Variants in RASAL1 observed in about 807,000 individuals in gnomAD.
RASAL1 encodes RAS protein activator like 1, also known as rasGAP-activating-like protein 1.
Under a neutral mutation model 96.6 loss-of-function variants are expected in RASAL1, and 72 were observed. That is an observed-to-expected ratio of 0.75 (90% CI 0.62 to 0.91). The LOEUF is 0.91. RASAL1 is among the 40% of genes least tolerant of loss of function. The pLI, the probability that RASAL1 is intolerant of heterozygous loss-of-function variation, is 0.00. For missense variants in RASAL1, 1,016 were observed against 1,072.5 expected (o/e 0.95, Z 0.74); for synonymous variants, 405 against 430.4 (o/e 0.94, Z 0.73).
chr12:113,107,016 C>G, intron 15 of RASAL1, 81 bp downstream of exon 15: 1 of 1,424,150 alleles, frequency 7.0e-7, no homozygotes, highest in Non-Finnish European at 9.6e-7. Flanking sequence ...TGCTGAGGAG[C>G]TGGAGGGGGA....
chr12:113,100,483 G>A, intron 20 of RASAL1, 145 bp downstream of exon 20: 1 of 642,040 alleles, frequency 1.6e-6, no homozygotes, highest in South Asian at 1.6e-5. Flanking sequence ...ATTTTTAGTA[G>A]AGACAGGGTT....
Position 113,104,311 on chromosome 12 carries a change from A to C in RASAL1, c.1831-13T>G. ...TGGAGTGACACATCTGGGGAAGAGG[A>C]TTGTCGCTGCAGGATGGGCTGGGGG... On this transcript the variant is annotated splice_polypyrimidine_tract_variant and intron_variant, in intron 16 of 20. Coordinates refer to ENST00000548055, the MANE Select transcript of RASAL1 (RefSeq NM_001301202.2). 1 of 1,537,166 alleles carries C rather than the reference A, an allele frequency of 6.5e-7. No individual in the cohort carries two copies. The highest frequency in any genetic ancestry group is 8.8e-7 in the Non-Finnish European group (1 of 1,136,310).
chr12:113,120,860 C>G (rs1951270308), intron 5 of RASAL1, among the ~76,000 whole-genome samples: 1 of 152,156 alleles, frequency 6.6e-6, no homozygotes, highest in African/African-American at 2.4e-5. Flanking sequence ...CCCTCCGCTC[C>G]AGTAATGGGC....
In RASAL1 at chr12:113,130,190, G is replaced by A. The variant is rs1334895787; in HGVS notation, c.122+695C>T. ...CTCCAGGGGCTGAGAGCTGTCCCTC[G>A]GCCTGCGGGGGTGGGAGCCAAGCAG... On this transcript the variant is annotated intron_variant, in intron 2 of 20. Transcript: ENST00000548055. This position sits in a 1 kb window ranked among gnomAD's most constrained non-coding sequence, Gnocchi z 5.1. Among the ~76,000 whole-genome samples the A allele has an allele frequency of 3.3e-5, 5 of 152,150 alleles. No individual in the cohort carries two copies. Among genetic ancestry groups the A allele is most frequent in the Non-Finnish European group, 5.9e-5 (4 of 68,000 alleles).
Position 113,099,791 on chromosome 12 carries a change from A to C in RASAL1, c.*138T>G, listed in dbSNP as rs1367957882. The C allele has an allele frequency of 2.5e-5, 32 of 1,266,778 alleles. No individual in the cohort carries two copies. Among genetic ancestry groups the C allele is most frequent in the Non-Finnish European group, 3.0e-5 (28 of 922,914 alleles). 78.5% of individuals were successfully genotyped at this position (1,266,778 alleles called of 1,614,324 possible). A position where few individuals can be genotyped will look rare whatever the true frequency, so the allele number is the denominator to read the frequency against. Reference sequence around the variant, plus strand: ...CCTGAGTTCTGGACTCAAGGCACACAGGACTAGGCACGTCTCTGGGAGCCT... The same window carrying C: ...CCTGAGTTCTGGACTCAAGGCACACCGGACTAGGCACGTCTCTGGGAGCCT... On this transcript the variant is annotated 3_prime_UTR_variant, in exon 21 of 21. Transcript: ENST00000548055.
In RASAL1 at chr12:113,135,315, G is replaced by A. The variant is rs1156479589; in HGVS notation, c.65+83C>T. The A allele has an allele frequency of 5.9e-6, 8 of 1,358,024 alleles. No individual in the cohort carries two copies. The highest frequency in any genetic ancestry group is 1.3e-5 in the South Asian group (1 of 78,834). 84.1% of individuals were successfully genotyped at this position (1,358,024 alleles called of 1,614,324 possible). Reference sequence around the variant, plus strand: ...GAACCCCTCGCCCTCCTGCCAACCCGCCCTGGCACGCGGAAAGGGCGACGT... The same window carrying A: ...GAACCCCTCGCCCTCCTGCCAACCCACCCTGGCACGCGGAAAGGGCGACGT... On this transcript the variant is annotated intron_variant, in intron 1 of 20. Transcript: ENST00000548055. This position sits in a 1 kb window ranked among gnomAD's most constrained non-coding sequence, Gnocchi z 5.7.
chr12:113,112,053 T>G (rs1256495604), intron 13 of RASAL1, 33 bp downstream of exon 13: 1 of 1,234,708 alleles, frequency 8.1e-7, no homozygotes, highest in Non-Finnish European at 1.0e-6. Flanking sequence ...AGCTCCGGCC[T>G]GTCCCCAGCC....
chr12:113,121,079 T>A (rs576425608), intron 5 of RASAL1, among the ~76,000 whole-genome samples: 9 of 152,172 alleles, frequency 5.9e-5, no homozygotes, highest in Non-Finnish European at 1.3e-4. Flanking sequence ...TGCCTAAGAA[T>A]GAAGCTAACA....
intron 4 of RASAL1, among the ~76,000 whole-genome samples, chr12:113,122,468 T>C (rs759174096): frequency 6.6e-6 from 1 of 152,102 alleles, no homozygotes; most frequent in Non-Finnish European, 1.5e-5. Flanking sequence ...GGACTACAGA[T>C]GTATACCACC....
chr12:113,103,426 G>T (rs149148612), intron 18 of RASAL1, among the ~76,000 whole-genome samples: 16,950 of 151,770 alleles, frequency 0.11, 1,120 homozygotes, highest in Middle Eastern at 0.19. Flanking sequence ...ACCAACATGG[G>T]GAAACCCCGT....
intron 18 of RASAL1, 87 bp downstream of exon 18, chr12:113,103,859 G>A (rs747421476): frequency 2.6e-6 from 4 of 1,526,762 alleles, no homozygotes; most frequent in Admixed American, 3.9e-5. Context: ...CTTGCCCAAG[G>A]TTGCACAGCC....
At chr12:113,110,537 G>C (rs996364238) in intron 13 of RASAL1, among the ~76,000 whole-genome samples, 1 of 152,196 alleles carries the variant, frequency 6.6e-6, no homozygotes, top group Non-Finnish European at 1.5e-5. Context: ...TCCCAAACTG[G>C]CCAGTCCAAC....
intron 1 of RASAL1, among the ~76,000 whole-genome samples, chr12:113,131,176 A>G (rs1314948666): frequency 7.1e-6 from 1 of 141,230 alleles, no homozygotes; most frequent in Non-Finnish European, 1.5e-5. Context: ...GAAATAGAAC[A>G]GGGAGGCCTG....
Position 113,124,217 on chromosome 12 carries a change from CAAA to C in RASAL1, c.299-2582_299-2580del, listed in dbSNP as rs35190885. On this transcript the variant is annotated intron_variant, in intron 4 of 20. Transcript: ENST00000548055. ...TGGGTGATAGAGCGAGACTCTGTCT[CAAA>C]AAAAAAAAAAAAAAAAAAAGTTACC... Among the ~76,000 whole-genome samples the C allele has an allele frequency of 4.3e-3, 419 of 98,342 alleles. 2 individuals are homozygous for C. Among genetic ancestry groups the C allele is most frequent in the African/African-American group, 0.013 (329 of 25,472 alleles). The allele number at this position is 98,342 out of a possible 152,430, so 64.5% of individuals were successfully genotyped here. A position where few individuals can be genotyped will look rare whatever the true frequency, so the allele number is the denominator to read the frequency against.
At position 113,129,206 on chromosome 12, in the gene RASAL1, C is replaced by T. The variant is rs1254321164; in HGVS notation, c.123-1028G>A. ...CTGGGATTGGGGTTAGCTCAATCGC[C>T]CCTGGTTGGGTCGTGGGGGTAGGGT... On this transcript the variant is annotated intron_variant, in intron 2 of 20. Transcript: ENST00000548055. This position sits in a 1 kb window ranked among gnomAD's most constrained non-coding sequence, Gnocchi z 5.0. Among the ~76,000 whole-genome samples the T allele has an allele frequency of 6.6e-6, 1 of 152,136 alleles. No individual in the cohort carries two copies. The highest frequency in any genetic ancestry group is 1.5e-5 in the Non-Finnish European group (1 of 68,038).
chr12:113,116,419 C>T (rs1364735089), intron 8 of RASAL1, among the ~76,000 whole-genome samples: 7 of 151,568 alleles, frequency 4.6e-5, no homozygotes, highest in African/African-American at 1.2e-4. Flanking sequence ...AGCACAAGTG[C>T]GCATGGGCAG....
At chr12:113,124,623 C>G (rs1951416895) in intron 4 of RASAL1, among the ~76,000 whole-genome samples, 3 of 152,176 alleles carry the variant, frequency 2.0e-5, no homozygotes, top group African/African-American at 7.2e-5. Context: ...TTGGGTTGGA[C>G]TCTGATTTCT....
Position 113,108,084 on chromosome 12 carries a change from C to T in RASAL1, c.1512+1G>A, listed in dbSNP as rs757479829. The T allele has an allele frequency of 6.2e-7, 1 of 1,608,752 alleles. No homozygotes were observed. Among genetic ancestry groups the T allele is most frequent in the East Asian group, 2.2e-5 (1 of 44,586 alleles). ...GGATGGGGGAAACCCATGGCTGGCA[C>T]CTTGGCAAGCAACAGCAGTGAGCGG... On this transcript the variant is annotated splice_donor_variant, in intron 14 of 20. Coordinates refer to ENST00000548055, the MANE Select transcript of RASAL1 (RefSeq NM_001301202.2). LOFTEE classifies it high-confidence loss of function.
chr12:113,115,328 C>T lies in RASAL1; in HGVS notation c.1004-64G>A, dbSNP rs974570317. 2.1e-6 allele frequency: 3 copies of T among 1,433,902 alleles called. No homozygotes were observed. Among genetic ancestry groups the T allele is most frequent in the Non-Finnish European group, 3.0e-6 (3 of 1,016,546 alleles). 88.8% of individuals were successfully genotyped at this position (1,433,902 alleles called of 1,614,324 possible). A position where few individuals can be genotyped will look rare whatever the true frequency, so the allele number is the denominator to read the frequency against. Reference sequence around the variant, plus strand: ...AGCTGAACCCAGCTCACCCCACTCACCCAAGGTGGGAGTCATGATTCTTCC... The same window carrying T: ...AGCTGAACCCAGCTCACCCCACTCATCCAAGGTGGGAGTCATGATTCTTCC... On this transcript the variant is annotated intron_variant, in intron 10 of 20. Transcript: ENST00000548055. This position sits in a 1 kb window ranked among gnomAD's most constrained non-coding sequence, Gnocchi z 4.1.
Sources: gnomAD v4.1 joint callset for allele counts (sites outside exome capture counted in the v4.1 genomes callset) on GRCh38, gnomAD v4.1.1 for gene constraint, Gnocchi (gnomAD v3.1) non-coding constraint, MANE v1.5 for transcripts, NCBI Gene and HGNC (gene_info 2026-07-23, HGNC 2026-07-21) for gene names.